Variants in D2HGDH observed in about 807,000 individuals in gnomAD.
The protein encoded by D2HGDH is D-2-hydroxyglutarate dehydrogenase.
In D2HGDH, 31 loss-of-function variants were observed where a neutral mutation model predicts 46.9. The ratio of observed to expected loss-of-function variants is 0.66; its 90% CI spans 0.50 to 0.89. The LOEUF (loss-of-function observed/expected upper bound fraction) is 0.89, where lower values mean the gene tolerates loss of function less well. Among genes scored for constraint, D2HGDH ranks in the 40% least tolerant of loss-of-function variants. The probability of loss-of-function intolerance (pLI) is 0.00; values close to 1 mark genes in which losing one functional copy is unlikely to be tolerated. For synonymous variants in D2HGDH, 364 were observed against 332.6 expected (o/e 1.09, Z -1.03); for missense variants, 698 against 720.8 (o/e 0.97, Z 0.36).
chr2:241,753,953 G>C lies in D2HGDH; in HGVS notation c.1141-1896G>C, dbSNP rs1031180314. ...CCAGGCAGGGTCATGGGGTGTGCCG[G>C]GGAGTGCCGGGAGGGCCGGAAAGAT... On this transcript the variant is annotated intron_variant, in intron 8 of 9. Coordinates refer to ENST00000321264, the MANE Select transcript of D2HGDH (RefSeq NM_152783.5). Among the ~76,000 whole-genome samples, 4 of 152,370 alleles carry C rather than the reference G, an allele frequency of 2.6e-5. No homozygotes were observed. The East Asian group carries it at 7.7e-4, about 29-fold the overall frequency.
chr2:241,756,409 T>C (rs570235998), intron 9 of D2HGDH, among the ~76,000 whole-genome samples: 6 of 152,364 alleles, frequency 3.9e-5, no homozygotes, highest in African/African-American at 1.4e-4. Flanking sequence ...CCAGCTGCTC[T>C]ACCCCTTCAG....
intron 8 of D2HGDH, among the ~76,000 whole-genome samples, chr2:241,753,173 C>G (rs112058555): frequency 1.3e-5 from 2 of 152,142 alleles, no homozygotes; most frequent in African/African-American, 4.8e-5. Flanking sequence ...GGCTCATGCT[C>G]GACGGGTAGG....
chr2:241,752,237 A>G (rs1404309057), intron 8 of D2HGDH, among the ~76,000 whole-genome samples: 2 of 152,154 alleles, frequency 1.3e-5, no homozygotes, highest in Admixed American at 1.3e-4. Context: ...CTTCTGGGCA[A>G]AACGGTGTCT....
rs766891850 is a variant in D2HGDH at position 241,735,397 on chromosome 2, C to G, written c.173C>G (p.Pro58Arg). 7 of 1,598,362 alleles carry G rather than the reference C, an allele frequency of 4.4e-6. No individual in the cohort carries two copies. Among genetic ancestry groups the G allele is most frequent in the South Asian group, 1.1e-5 (1 of 89,352 alleles). Reference protein sequence around the residue: ...TRERYPVRRLPFSTVSKQDLA... With the variant: ...TRERYPVRRLRFSTVSKQDLA... ...GAGCGCTACCCCGTGCGGCGCTTGCCGTTCTCCACGGTGTCTAAGCAGGAC... is the reference window on the plus strand; with the variant it reads ...GAGCGCTACCCCGTGCGGCGCTTGCGGTTCTCCACGGTGTCTAAGCAGGAC... The change falls in exon 2 of 10, where the codon CCG becomes CGG. Residue 58 changes from proline (P) to arginine (R), a missense_variant. Pro to Arg is a moderately radical substitution (Grantham distance 103). Transcript: ENST00000321264.
At chr2:241,763,924 C>T (rs1406724834) in intron 9 of D2HGDH, among the ~76,000 whole-genome samples, 1 of 152,122 alleles carries the variant, frequency 6.6e-6, no homozygotes, top group African/African-American at 2.4e-5. Flanking sequence ...GTGGTACATG[C>T]CTGCAGTCCC....
chr2:241,757,750 G>A (rs1036748598), intron 9 of D2HGDH, among the ~76,000 whole-genome samples: 1 of 152,160 alleles, frequency 6.6e-6, no homozygotes, highest in Non-Finnish European at 1.5e-5. Context: ...CTGAGGTCAG[G>A]AGTTCGACAC....
chr2:241,736,474 G>C (rs1363850685), intron 2 of D2HGDH, among the ~76,000 whole-genome samples: 1 of 152,124 alleles, frequency 6.6e-6, no homozygotes, highest in Non-Finnish European at 1.5e-5. Context: ...GCCTCTTGTA[G>C]CTCTAGCTCC....
chr2:241,741,115 C>T lies in D2HGDH; in HGVS notation c.350+25C>T, dbSNP rs760820809. 5 of 1,609,028 alleles carry T rather than the reference C, an allele frequency of 3.1e-6. No homozygotes were observed. The South Asian group carries it at 4.4e-5, about 14-fold the overall frequency. On this transcript the variant is annotated intron_variant, in intron 3 of 9. Transcript: ENST00000321264. ...GGTGAGGTGGTGGCTCCCGGCTCCC[C>T]CAGCCTTCCCTGTTGCCTGTGGGTC...
intron 5 of D2HGDH, 65 bp from the exon 6 acceptor site, chr2:241,744,644 C>T (rs1015848312): frequency 2.7e-5 from 44 of 1,604,646 alleles, no homozygotes; most frequent in South Asian, 1.2e-4. Context: ...CACCTGGCCC[C>T]GGAGGCGACC....
intron 9 of D2HGDH, among the ~76,000 whole-genome samples, chr2:241,764,439 C>T (rs532773748): frequency 2.6e-5 from 4 of 152,302 alleles, no homozygotes; most frequent in South Asian, 4.1e-4. Flanking sequence ...TTCAGGCCCA[C>T]GTGGCGTCTT....
At chr2:241,744,981 C>CCCT (rs567209414) in intron 6 of D2HGDH, 104 bp downstream of exon 6, 1 of 1,475,290 alleles carries the variant, frequency 6.8e-7, no homozygotes, top group African/African-American at 1.4e-5. Context: ...GACCCCCCGC[C>CCCT]AAGGACAGTC....
At chr2:241,749,407 C>G (rs139610220) in intron 6 of D2HGDH, 2 of 1,247,028 alleles carry the variant, frequency 1.6e-6, no homozygotes, top group African/African-American at 3.1e-5. Context: ...AAGGTGGGCA[C>G]GGGCCCCCTC....
intron 9 of D2HGDH, among the ~76,000 whole-genome samples, chr2:241,759,927 T>A (rs980618804): frequency 9.2e-5 from 14 of 152,396 alleles, no homozygotes; most frequent in East Asian, 3.9e-4. Flanking sequence ...CCAGTTTGGA[T>A]GTTTCTGTGA....
Position 241,742,597 on chromosome 2 carries a change from G to A in D2HGDH, c.490+23G>A, listed in dbSNP as rs760289656. 6.2e-7 allele frequency: 1 copy of A among 1,613,860 alleles called. No homozygotes were observed. Among genetic ancestry groups the A allele is most frequent in the African/African-American group, 1.3e-5 (1 of 74,910 alleles). On this transcript the variant is annotated intron_variant, in intron 4 of 9. Transcript: ENST00000321264. This position sits in a 1 kb window ranked among gnomAD's most constrained non-coding sequence, Gnocchi z 4.8. ...CTGGTAAGCCTGTGCCACCCGTCGG[G>A]GCCCAGGAGTCCCTCCTGGTGCTGG...
In D2HGDH at chr2:241,742,868, C is replaced by T. The variant is rs1310659753; in HGVS notation, c.490+294C>T. Among the ~76,000 whole-genome samples, 10 of 149,022 alleles carry T rather than the reference C, an allele frequency of 6.7e-5. 1 individual carries two copies. The highest frequency in any genetic ancestry group is 2.0e-4 in the East Asian group (1 of 5,052). On this transcript the variant is annotated intron_variant, in intron 4 of 9. Transcript: ENST00000321264. This position sits in a 1 kb window ranked among gnomAD's most constrained non-coding sequence, Gnocchi z 4.8. ...GGGATCCTGACCCAGGGTGCCAGGGCGTGGCAGGCATGAGGGGATCCTGAC... is the reference window on the plus strand; with the variant it reads ...GGGATCCTGACCCAGGGTGCCAGGGTGTGGCAGGCATGAGGGGATCCTGAC...
At chr2:241,735,538 G>A in intron 2 of D2HGDH, 22 bp downstream of exon 2, 2 of 1,601,116 alleles carry the variant, frequency 1.2e-6, no homozygotes, top group Non-Finnish European at 1.7e-6. Context: ...TTGGGAAGCT[G>A]CGGCGTTTCC....
chr2:241,744,925 G>C, intron 6 of D2HGDH, 48 bp downstream of exon 6: 1 of 1,612,126 alleles, frequency 6.2e-7, no homozygotes. Context: ...GGGCTCGAGC[G>C]TCTGCTCTGA....
chr2:241,760,633 C>T (rs1370057688), intron 9 of D2HGDH, among the ~76,000 whole-genome samples: 7 of 151,134 alleles, frequency 4.6e-5, no homozygotes, highest in Admixed American at 4.6e-4. Context: ...CAGTCGAAGT[C>T]CTTTGCCACA....
At chr2:241,741,882 T>G (rs1694562122) in intron 3 of D2HGDH, among the ~76,000 whole-genome samples, 1 of 152,128 alleles carries the variant, frequency 6.6e-6, no homozygotes, top group East Asian at 1.9e-4. Context: ...GCTTGCTGTC[T>G]CCAGGGTTTA....
Sources: allele counts gnomAD v4.1 joint callset (sites outside exome capture counted in the v4.1 genomes callset), GRCh38; gene constraint gnomAD v4.1.1; non-coding constraint Gnocchi (gnomAD v3.1); transcripts MANE v1.5; gene names NCBI Gene and HGNC (gene_info 2026-07-23, HGNC 2026-07-21).